SLC39A11: variants seen among roughly 807,000 people sequenced by gnomAD.
The protein encoded by SLC39A11 is solute carrier family 39 member 11, also known as zinc transporter ZIP11.
Under a neutral mutation model 36.1 loss-of-function variants are expected in SLC39A11, and 33 were observed. The observed-to-expected ratio is 0.91, with a 90% CI of 0.69 to 1.22. SLC39A11 has a LOEUF of 1.22. SLC39A11 is among the 50% of genes most tolerant of loss of function. The pLI is 0.00. For missense variants in SLC39A11, 432 were observed against 430.3 expected, an observed-to-expected ratio of 1.00 and a Z score of -0.03; for synonymous variants, 166 against 170.3, an observed-to-expected ratio of 0.97 and a Z score of 0.20.
intron 6 of SLC39A11, among the ~76,000 whole-genome samples, chr17:72,777,849 GTATGTATGTATGTATGTATA>G (rs2076184428): frequency 7.0e-6 from 1 of 141,886 alleles, no homozygotes; most frequent in African/African-American, 2.5e-5. Flanking sequence ...TACACTGTGT[GTATGTATGTATGTATGTATA>G]TATGTATGTA....
chr17:72,825,461 T>C (rs1461515936), intron 6 of SLC39A11, among the ~76,000 whole-genome samples: 1 of 152,212 alleles, frequency 6.6e-6, no homozygotes, highest in Non-Finnish European at 1.5e-5. Context: ...ACTAGGGCAG[T>C]GCAGAGGAGA....
At chr17:72,974,283 A>G (rs2087674849) in intron 4 of SLC39A11, among the ~76,000 whole-genome samples, 1 of 152,070 alleles carries the variant, frequency 6.6e-6, no homozygotes, top group South Asian at 2.1e-4. Flanking sequence ...TAATTTTAGT[A>G]GAGACAAGGT....
intron 6 of SLC39A11, among the ~76,000 whole-genome samples, chr17:72,743,092 T>G (rs2074778719): frequency 6.6e-6 from 1 of 152,214 alleles, no homozygotes; most frequent in South Asian, 2.1e-4. Context: ...AGCCTGAGCT[T>G]GCTGACTTGT....
At chr17:72,718,762 T>A (rs1289156882) in intron 7 of SLC39A11, among the ~76,000 whole-genome samples, 1 of 152,152 alleles carries the variant, frequency 6.6e-6, no homozygotes, top group Non-Finnish European at 1.5e-5. Context: ...GAATGATAAT[T>A]TCCAGCTTTC....
At chr17:72,806,517 C>T (rs2077264671) in intron 6 of SLC39A11, among the ~76,000 whole-genome samples, 1 of 152,098 alleles carries the variant, frequency 6.6e-6, no homozygotes, top group Admixed American at 6.6e-5. Flanking sequence ...AGTGGGCTGG[C>T]ACTTAGGGGG....
rs2069599657 is a variant in SLC39A11, at chr17:72,647,250, CCTTGAG to C, written c.*328_*333del. On this transcript the variant is annotated 3_prime_UTR_variant, in exon 10 of 10. Transcript: ENST00000255559. ...TTTGGTAGCTCGCTTCTATAGGTGA[CCTTGAG>C]GAGTTGGGAGGCAGATAGAAGGTCC... The C allele has an allele frequency of 2.4e-5, 5 of 208,000 alleles. No homozygotes were observed. In the South Asian group the frequency reaches 4.1e-4, roughly 17 times the overall value. 12.9% of individuals were successfully genotyped at this position (208,000 alleles called of 1,614,324 possible).
chr17:72,770,558 A>G (rs1159362749), intron 6 of SLC39A11, among the ~76,000 whole-genome samples: 1 of 152,138 alleles, frequency 6.6e-6, no homozygotes, highest in Non-Finnish European at 1.5e-5. Flanking sequence ...CACGGGTGTC[A>G]GACCTGCACG....
At chr17:72,900,217 G>GAAAGAAAGAAGGAAAA (rs2082318430) in intron 5 of SLC39A11, among the ~76,000 whole-genome samples, 2 of 107,318 alleles carry the variant, frequency 1.9e-5, no homozygotes, top group South Asian at 3.3e-4. Context: ...AAGAAAGAAA[G>GAAAGAAAGAAGGAAAA]AAAGAAAGAA....
intron 4 of SLC39A11, among the ~76,000 whole-genome samples, chr17:73,013,792 T>A (rs150261752): frequency 2.0e-4 from 31 of 152,048 alleles, no homozygotes; most frequent in African/African-American, 7.2e-4. Flanking sequence ...CTGTAAAGGA[T>A]CACATCCACA....
At chr17:73,044,633 G>A (rs776664426) in intron 3 of SLC39A11, among the ~76,000 whole-genome samples, 9 of 152,112 alleles carry the variant, frequency 5.9e-5, no homozygotes, top group Non-Finnish European at 1.3e-4. Flanking sequence ...CAGCAATTTG[G>A]GAGGCCGAGG....
intron 7 of SLC39A11, among the ~76,000 whole-genome samples, chr17:72,711,141 GACT>G (rs1394571631): frequency 6.6e-6 from 1 of 152,096 alleles, no homozygotes; most frequent in African/African-American, 2.4e-5. Context: ...CAATCCTCAG[GACT>G]CAGCCTGGTT....
intron 3 of SLC39A11, among the ~76,000 whole-genome samples, chr17:73,050,323 C>CAAAA (rs70938142): frequency 5.8e-4 from 57 of 98,796 alleles, no homozygotes; most frequent in African/African-American, 2.0e-3. Flanking sequence ...CTGTTTGTGG[C>CAAAA]AAAAAAAAAA....
At chr17:72,907,730 T>C (rs1011582864) in intron 5 of SLC39A11, among the ~76,000 whole-genome samples, 1 of 152,168 alleles carries the variant, frequency 6.6e-6, no homozygotes, top group African/African-American at 2.4e-5. Context: ...TCCATTCCCC[T>C]TAAATGGGTC....
At chr17:72,984,378 T>TA (rs35999729) in intron 4 of SLC39A11, among the ~76,000 whole-genome samples, 11,653 of 146,560 alleles carry the variant, frequency 0.08, 485 homozygotes, top group East Asian at 0.12. Flanking sequence ...CTCAGACATT[T>TA]AAAAAAAAAA....
At chr17:72,686,023 C>A (rs930024350) in intron 7 of SLC39A11, among the ~76,000 whole-genome samples, 4 of 149,320 alleles carry the variant, frequency 2.7e-5, no homozygotes, top group African/African-American at 7.7e-5. Context: ...GTGACTGAGA[C>A]TCTGTCTTAA....
chr17:72,854,220 C>T (rs932166245), intron 5 of SLC39A11, among the ~76,000 whole-genome samples: 24 of 151,512 alleles, frequency 1.6e-4, no homozygotes, highest in African/African-American at 5.8e-4. Context: ...GTCACACAGC[C>T]AGTCTGCAGT....
Position 72,838,467 on chromosome 17 carries a change from C to T in SLC39A11, c.601+11167G>A, listed in dbSNP as rs150236773. ...ATGGTCTCCAACTTCTGGGCTCAAG[C>T]GATCCACCCACCTCAGTCTCCCAAA... On this transcript the variant is annotated intron_variant, in intron 6 of 9. Coordinates refer to ENST00000255559, the MANE Select transcript of SLC39A11 (RefSeq NM_139177.4). 7.8e-3 allele frequency among the ~76,000 whole-genome samples: 1,191 copies of T among 152,162 alleles called. 16 individuals carry two copies. The highest frequency in any genetic ancestry group is 0.028 in the African/African-American group (1,145 of 41,518).
intron 5 of SLC39A11, among the ~76,000 whole-genome samples, chr17:72,856,189 A>T (rs2079633944): frequency 6.6e-6 from 1 of 152,192 alleles, no homozygotes; most frequent in Non-Finnish European, 1.5e-5. Context: ...ACCCATGAAC[A>T]GAGTTTGCAA....
intron 4 of SLC39A11, among the ~76,000 whole-genome samples, chr17:72,988,700 T>C (rs529191012): frequency 1.1e-4 from 17 of 152,046 alleles, no homozygotes; most frequent in African/African-American, 3.4e-4. Context: ...TACTTACTTA[T>C]TTATTTATTT....
Sources: allele counts gnomAD v4.1 joint callset (sites outside exome capture counted in the v4.1 genomes callset), GRCh38; gene constraint gnomAD v4.1.1; transcripts MANE v1.5; gene names NCBI Gene and HGNC (gene_info 2026-07-23, HGNC 2026-07-21).